SCGN: variants seen among roughly 807,000 people sequenced by gnomAD.
SCGN encodes secretagogin.
SCGN carries 30 observed loss-of-function variants against 39.7 expected under a neutral mutation model. The ratio of observed to expected loss-of-function variants is 0.76; its 90% confidence interval spans 0.57 to 1.03. The LOEUF (loss-of-function observed/expected upper bound fraction) is 1.03, where lower values mean the gene tolerates loss of function less well. Among genes scored for constraint, SCGN ranks in the 50% least tolerant of loss-of-function variants. The pLI is 0.00. For missense variants in SCGN, 353 were observed against 349.4 expected, an observed-to-expected ratio of 1.01 and a Z score of -0.08; for synonymous variants, 106 against 114.1, an observed-to-expected ratio of 0.93 and a Z score of 0.45.
chr6:25,653,558 C>G, intron 2 of SCGN, 106 bp downstream of exon 2: 1 of 789,054 alleles, frequency 1.3e-6, no homozygotes, highest in Non-Finnish European at 2.1e-6. Context: ...CTCCTTTCTT[C>G]CTTGCATGTA....
chr6:25,652,619 C>A, intron 1 of SCGN, 134 bp downstream of exon 1: 1 of 684,538 alleles, frequency 1.5e-6, no homozygotes, highest in Non-Finnish European at 2.5e-6. Flanking sequence ...GTACCTAATA[C>A]AGTATCATTA....
At chr6:25,684,191 G>A (rs1759673636) in intron 7 of SCGN, among the ~76,000 whole-genome samples, 1 of 152,060 alleles carries the variant, frequency 6.6e-6, no homozygotes, top group African/African-American at 2.4e-5. Context: ...CTAATCCCTT[G>A]AATAACTTCT....
chr6:25,657,296 G>T (rs375588399), intron 2 of SCGN, among the ~76,000 whole-genome samples: 2 of 152,142 alleles, frequency 1.3e-5, no homozygotes. Context: ...ACAACTATGT[G>T]TGGAGGCAGA....
intron 2 of SCGN, among the ~76,000 whole-genome samples, chr6:25,654,288 C>A (rs1262800888): frequency 6.6e-6 from 1 of 152,306 alleles, no homozygotes; most frequent in East Asian, 1.9e-4. Flanking sequence ...GAACAAGGAG[C>A]TCTTCACCAC....
chr6:25,668,183 C>T lies in SCGN; in HGVS notation c.337-1328C>T, dbSNP rs533102040. 1.3e-4 allele frequency among the ~76,000 whole-genome samples: 20 copies of T among 150,848 alleles called. No individual in the cohort carries two copies. In the East Asian group the frequency reaches 3.3e-3, roughly 25 times the overall value. On this transcript the variant is annotated intron_variant, in intron 4 of 10. Transcript: ENST00000377961. The stretch of plus-strand genomic sequence containing the variant: ...TGCAATTGGTAACACAGAACACAGT[C>T]ATCCCATTTAGGATCTAAGAAAAAT...
intron 10 of SCGN, among the ~76,000 whole-genome samples, chr6:25,696,383 T>A (rs4612154): frequency 0.59 from 89,822 of 151,558 alleles, 27,267 homozygotes; most frequent in African/African-American, 0.69. Flanking sequence ...AGTATATTAT[T>A]TATAATATAG....
At chr6:25,661,046 T>G (rs1582572060) in intron 2 of SCGN, among the ~76,000 whole-genome samples, 1 of 152,224 alleles carries the variant, frequency 6.6e-6, no homozygotes, top group African/African-American at 2.4e-5. Context: ...GGCAATTACC[T>G]TATTACTTTG....
At chr6:25,652,601 A>G in intron 1 of SCGN, 116 bp downstream of exon 1, 1 of 847,824 alleles carries the variant, frequency 1.2e-6, no homozygotes, top group Non-Finnish European at 1.9e-6. Context: ...CTGGGTTGTT[A>G]ATGCAGTGTA....
At chr6:25,654,489 T>C (rs139397355) in intron 2 of SCGN, among the ~76,000 whole-genome samples, 2,342 of 152,304 alleles carry the variant, frequency 0.015, 24 homozygotes, top group Admixed American at 0.03. Flanking sequence ...GTTTCTTATC[T>C]CTGTGTTTCA....
chr6:25,659,763 T>C lies in SCGN; in HGVS notation c.154-1789T>C, dbSNP rs145109119. The stretch of plus-strand genomic sequence containing the variant: ...GCCATATGCTGTCTTCCCTGGGTTT[T>C]ATGCCTGAGAGCAACATGTTGTGCC... On this transcript the variant is annotated intron_variant, in intron 2 of 10. Transcript: ENST00000377961. Among the ~76,000 whole-genome samples the C allele has an allele frequency of 3.4e-3, 517 of 152,354 alleles. 4 individuals carry two copies. Among genetic ancestry groups the C allele is most frequent in the African/African-American group, 0.011 (478 of 41,590 alleles).
At chr6:25,670,583 C>T (rs1211853480) in intron 6 of SCGN, among the ~76,000 whole-genome samples, 1 of 152,214 alleles carries the variant, frequency 6.6e-6, no homozygotes, top group Non-Finnish European at 1.5e-5. Flanking sequence ...TTTACTTCTC[C>T]TATAAAATGG....
chr6:25,699,240 TGAACA>T (rs2151384588), intron 10 of SCGN, among the ~76,000 whole-genome samples: 1 of 152,280 alleles, frequency 6.6e-6, no homozygotes, highest in Non-Finnish European at 1.5e-5. Flanking sequence ...TTTAGATTTG[TGAACA>T]GAAGTTTTCT....
chr6:25,700,652 C>T (rs1045836681), intron 10 of SCGN, among the ~76,000 whole-genome samples: 7 of 152,170 alleles, frequency 4.6e-5, no homozygotes, highest in African/African-American at 1.4e-4. Context: ...TTTTGCAGGC[C>T]TTTGAGCTTG....
intron 6 of SCGN, among the ~76,000 whole-genome samples, chr6:25,672,122 A>G (rs1759504973): frequency 6.6e-6 from 1 of 152,188 alleles, no homozygotes; most frequent in Admixed American, 6.5e-5. Flanking sequence ...CCTAAAAAAA[A>G]TCTTCTGTAG....
At chr6:25,665,076 A>G (rs900996354) in intron 4 of SCGN, 44 bp downstream of exon 4, 1 of 1,475,048 alleles carries the variant, frequency 6.8e-7, no homozygotes. Context: ...GGACTGAGAC[A>G]AGGCTACGAT....
chr6:25,653,446 T>C lies in SCGN; in HGVS notation c.147T>C (p.Gly49=). ...AFFLHMLMKL[G]TDDTVMKANL... ...TTCTCCACATGTTGATGAAACTGGG[T>C]ACTGATGTAAGTACTTGCACACTAA... The change falls in exon 2 of 11, where the codon GGT becomes GGC. Residue 49 remains glycine (G), a synonymous_variant. Coordinates refer to ENST00000377961, the MANE Select transcript of SCGN (RefSeq NM_006998.4). 1.2e-6 allele frequency: 2 copies of C among 1,612,056 alleles called. No individual in the cohort carries two copies. Among genetic ancestry groups the C allele is most frequent in the Non-Finnish European group, 8.5e-7 (1 of 1,178,414 alleles).
chr6:25,656,345 G>T (rs1448857012), intron 2 of SCGN, among the ~76,000 whole-genome samples: 2 of 152,188 alleles, frequency 1.3e-5, no homozygotes, highest in Non-Finnish European at 2.9e-5. Flanking sequence ...GCGGATCACA[G>T]AGATCTCAGA....
At chr6:25,701,043 T>G (rs1334285880) in intron 10 of SCGN, among the ~76,000 whole-genome samples, 164 bp from the exon 11 acceptor site, 2 of 152,204 alleles carry the variant, frequency 1.3e-5, no homozygotes, top group East Asian at 3.8e-4. Context: ...AAACTTATCC[T>G]TGGCAGCATT....
chr6:25,696,577 C>T (rs761621697), intron 10 of SCGN, among the ~76,000 whole-genome samples: 2 of 152,152 alleles, frequency 1.3e-5, no homozygotes, highest in Non-Finnish European at 2.9e-5. Flanking sequence ...AGATCTTTCT[C>T]TATATTTGGC....
Sources: allele counts gnomAD v4.1 joint callset (sites outside exome capture counted in the v4.1 genomes callset), GRCh38; gene constraint gnomAD v4.1.1; transcripts MANE v1.5; gene names NCBI Gene and HGNC (gene_info 2026-07-23, HGNC 2026-07-21).